Variants in TMEM145 observed in about 807,000 individuals in gnomAD.
TMEM145 encodes the protein transmembrane protein 145.
A neutral mutation model predicts 68.5 loss-of-function variants in TMEM145; 46 were observed. The ratio of observed to expected loss-of-function variants is 0.67; its 90% CI spans 0.53 to 0.86. The LOEUF is 0.86. Ranked by LOEUF, TMEM145 falls within the 40% of genes least tolerant of loss-of-function variation. The probability of loss-of-function intolerance (pLI) is 0.00; values close to 1 mark genes in which losing one functional copy is unlikely to be tolerated. For synonymous variants in TMEM145, 255 were observed against 280.2 expected (o/e 0.91, Z 0.90); for missense variants, 570 against 645.8 (o/e 0.88, Z 1.27).
chr19:42,324,637 T>A, intron 14 of TMEM145, 100 bp from the exon 15 acceptor site: 1 of 1,129,570 alleles, frequency 8.9e-7, no homozygotes, highest in Non-Finnish European at 1.1e-6. Flanking sequence ...TCCCGACCCT[T>A]CCCACCCCGC....
chr19:42,323,459 T>G, intron 13 of TMEM145, 124 bp from the exon 14 acceptor site: 1 of 899,344 alleles, frequency 1.1e-6, no homozygotes, highest in Non-Finnish European at 1.7e-6. Context: ...CCTAATCCAG[T>G]GTGAATGGCT....
In TMEM145 at chr19:42,313,853, C is replaced by G. The variant is rs1288605623; in HGVS notation, c.120+357C>G. On this transcript the variant is annotated intron_variant, in intron 1 of 14. Coordinates refer to ENST00000301204, the MANE Select transcript of TMEM145 (RefSeq NM_173633.3). This position sits in a 1 kb window ranked among gnomAD's most constrained non-coding sequence, Gnocchi z 5.1. The stretch of plus-strand genomic sequence containing the variant: ...TCGCCGCCACACTCCCGCTCAGGAC[C>G]GGGAGGGGGCCGTTTGGAAGATTCC... Among the ~76,000 whole-genome samples the G allele has an allele frequency of 2.0e-5, 3 of 151,596 alleles. No homozygotes were observed. Among genetic ancestry groups the G allele is most frequent in the African/African-American group, 7.3e-5 (3 of 41,202 alleles).
At chr19:42,315,899 G>A (rs1277533175) in intron 8 of TMEM145, among the ~76,000 whole-genome samples, 8 of 152,122 alleles carry the variant, frequency 5.3e-5, no homozygotes, top group South Asian at 2.1e-4. Context: ...ACATGGTGGC[G>A]TGTGCGTGTA....
chr19:42,319,592 G>T (rs868367709), intron 12 of TMEM145, among the ~76,000 whole-genome samples: 6 of 151,774 alleles, frequency 4.0e-5, no homozygotes, highest in Admixed American at 2.0e-4. Flanking sequence ...GACTACAGGC[G>T]CATGCCACCA....
rs1262783105 is a variant in TMEM145, at chr19:42,315,219, C to T, written c.537C>T (p.Leu179=). 6 of 1,607,128 alleles carry T rather than the reference C, an allele frequency of 3.7e-6. No individual in the cohort carries two copies. In the East Asian group the frequency reaches 6.7e-5, roughly 18 times the overall value. The part of the protein sequence containing the change: ...GILETDVTFL[L]IFILIFFLSC... ...TGGAGACAGATGTGACCTTCCTCCT[C>T]ATCTTCATCCTCATCTTCTTCCTCT... Residue 179 remains leucine, a synonymous_variant, in exon 7 of 15, where the codon CTC becomes CTT. Transcript: ENST00000301204.
intron 13 of TMEM145, among the ~76,000 whole-genome samples, chr19:42,320,759 C>T (rs2038903791): frequency 6.6e-6 from 1 of 152,022 alleles, no homozygotes; most frequent in South Asian, 2.1e-4. Context: ...TCCCGAGTAG[C>T]TGGGATTACA....
Position 42,313,497 on chromosome 19 carries a change from G to C in TMEM145, c.120+1G>C. On this transcript the variant is annotated splice_donor_variant, in intron 1 of 14. Transcript: ENST00000301204. LOFTEE classifies it high-confidence loss of function. This position sits in a 1 kb window ranked among gnomAD's most constrained non-coding sequence, Gnocchi z 5.1. ...GCGGGGCAACCTCAGTTCCAAGGAG[G>C]TGAGCATGCCGAGCCCTCCTCTGCG... The C allele has an allele frequency of 1.5e-6, 2 of 1,290,766 alleles. No individual in the cohort carries two copies. Among genetic ancestry groups the C allele is most frequent in the Non-Finnish European group, 2.0e-6 (2 of 1,012,916 alleles). The allele number at this position is 1,290,766 out of a possible 1,614,324, so 80.0% of individuals were successfully genotyped here.
At position 42,313,776 on chromosome 19, in the gene TMEM145, C is replaced by T. The variant is rs1179727148; in HGVS notation, c.120+280C>T. 1.3e-5 allele frequency among the ~76,000 whole-genome samples: 2 copies of T among 151,986 alleles called. No homozygotes were observed. The highest frequency in any genetic ancestry group is 2.9e-5 in the Non-Finnish European group (2 of 67,974). ...GAGTCAGAGTTTGGGAAGGGTGGTGCAGAGGTGGTGCTGAAGGGACAGCAC... is the reference window on the plus strand; with the variant it reads ...GAGTCAGAGTTTGGGAAGGGTGGTGTAGAGGTGGTGCTGAAGGGACAGCAC... On this transcript the variant is annotated intron_variant, in intron 1 of 14. Transcript: ENST00000301204. The surrounding 1 kb of genome is among the most constrained non-coding windows in gnomAD (Gnocchi z 5.1).
intron 12 of TMEM145, among the ~76,000 whole-genome samples, chr19:42,318,095 T>A (rs1191260248): frequency 6.6e-6 from 1 of 152,090 alleles, no homozygotes; most frequent in African/African-American, 2.4e-5. Context: ...TCGCCAGGCG[T>A]GGTGGCTCAC....
chr19:42,323,894 C>T, intron 14 of TMEM145, 105 bp downstream of exon 14: 1 of 1,023,746 alleles, frequency 9.8e-7, no homozygotes, highest in Non-Finnish European at 1.4e-6. Flanking sequence ...GACCCCTGAG[C>T]CCTCCTCCTG....
intron 13 of TMEM145, chr19:42,320,952 C>G: frequency 2.5e-6 from 1 of 398,698 alleles, no homozygotes; most frequent in Non-Finnish European, 4.4e-6. Flanking sequence ...TTCTGTTCCC[C>G]TCTCCAACTT....
chr19:42,323,853 C>G, intron 14 of TMEM145, 64 bp downstream of exon 14: 1 of 1,461,988 alleles, frequency 6.8e-7, no homozygotes, highest in Non-Finnish European at 9.4e-7. Flanking sequence ...CCTGACCCCG[C>G]TCCCGGCCCC....
At chr19:42,318,291 C>T (rs1444454462) in intron 12 of TMEM145, among the ~76,000 whole-genome samples, 1 of 151,278 alleles carries the variant, frequency 6.6e-6, no homozygotes, top group Non-Finnish European at 1.5e-5. Context: ...TGGCGTGAAC[C>T]CAGGAGGCGG....
chr19:42,314,210 G>A (rs2038830991), intron 1 of TMEM145, 62 bp from the exon 2 acceptor site: 2 of 1,586,522 alleles, frequency 1.3e-6, no homozygotes, highest in Non-Finnish European at 1.7e-6. Context: ...AAAGTTGGGG[G>A]TCTATGGAGT....
chr19:42,320,208 T>G, intron 12 of TMEM145, 109 bp from the exon 13 acceptor site: 1 of 1,472,054 alleles, frequency 6.8e-7, no homozygotes, highest in Non-Finnish European at 9.3e-7. Context: ...TTCCCTCCAG[T>G]TTGGGACCTG....
chr19:42,321,992 C>T (rs771526586), intron 13 of TMEM145, among the ~76,000 whole-genome samples: 6 of 152,146 alleles, frequency 3.9e-5, no homozygotes, highest in Non-Finnish European at 8.8e-5. Context: ...ATACTTTGAA[C>T]CCTATCCTTC....
intron 14 of TMEM145, chr19:42,324,196 C>T: frequency 2.1e-6 from 2 of 964,408 alleles, no homozygotes; most frequent in Non-Finnish European, 2.5e-6. Context: ...GAAGGGTTCT[C>T]CGGGGGAGGG....
chr19:42,322,679 A>ATATT (rs113003304), intron 13 of TMEM145, among the ~76,000 whole-genome samples: 1,761 of 151,434 alleles, frequency 0.012, 15 homozygotes, highest in African/African-American at 0.014. Flanking sequence ...CATTCCACCA[A>ATATT]TATTTATTTA....
In TMEM145 at chr19:42,315,085, C is replaced by T. The variant is rs759708139; in HGVS notation, c.505+8C>T. 1.9e-5 allele frequency: 31 copies of T among 1,614,050 alleles called. No homozygotes were observed. Among genetic ancestry groups the T allele is most frequent in the Non-Finnish European group, 2.0e-5 (24 of 1,180,034 alleles). On this transcript the variant is annotated splice_region_variant and intron_variant, in intron 6 of 14. Transcript: ENST00000301204. ...TCTCCGCTGATGAGTTTGGTGAGCA[C>T]GTGGGGACCTAGAAACCAGGCTCTC...
Sources: allele counts gnomAD v4.1 joint callset (sites outside exome capture counted in the v4.1 genomes callset), GRCh38; gene constraint gnomAD v4.1.1; non-coding constraint Gnocchi (gnomAD v3.1); transcripts MANE v1.5; gene names NCBI Gene and HGNC (gene_info 2026-07-23, HGNC 2026-07-21).